FRMD6: variants seen among roughly 807,000 people sequenced by gnomAD.
FRMD6 encodes the protein FERM domain-containing protein 6.
Under a neutral mutation model 73.2 loss-of-function variants are expected in FRMD6, and 37 were observed. The observed-to-expected ratio is 0.51, with a 90% confidence interval of 0.39 to 0.66. The LOEUF (loss-of-function observed/expected upper bound fraction) is 0.66, where lower values mean the gene tolerates loss of function less well. FRMD6 is among the 30% of genes least tolerant of loss of function. FRMD6 has a pLI of 0.00. For missense variants in FRMD6, 714 were observed against 780.5 expected (o/e 0.91, Z 1.02); for synonymous variants, 273 against 282.2 (o/e 0.97, Z 0.33).
At chr14:51,462,313 G>T in the FRMD6 span, among the ~76,000 whole-genome samples, 1 of 152,144 alleles carries the variant, frequency 6.6e-6, no homozygotes. Flanking sequence ...TACCTGCCTC[G>T]GGGGGTTGTG....
chr14:51,574,716 C>A (rs1213456851), intron 2 of FRMD6, among the ~76,000 whole-genome samples: 1 of 151,844 alleles, frequency 6.6e-6, no homozygotes, highest in African/African-American at 2.4e-5. Context: ...TTAATGGGTA[C>A]AAAAATATAG....
At chr14:51,532,096 T>C (rs1057238142) in intron 1 of FRMD6, among the ~76,000 whole-genome samples, 17 of 152,174 alleles carry the variant, frequency 1.1e-4, no homozygotes, top group Non-Finnish European at 2.1e-4. Flanking sequence ...GGGCCAGGCG[T>C]GGTGGCTCAC....
chr14:51,602,413 T>C (rs374806861), intron 2 of FRMD6, among the ~76,000 whole-genome samples: 57 of 152,348 alleles, frequency 3.7e-4, no homozygotes, highest in African/African-American at 1.3e-3. Context: ...GACCAGTCAC[T>C]TGCTTTTGTA....
At chr14:51,714,132 G>A (rs1897109257) in intron 9 of FRMD6, 1 of 152,126 alleles carries the variant, frequency 6.6e-6, no homozygotes, top group Non-Finnish European at 1.5e-5. Flanking sequence ...ATGACCTTGA[G>A]CAAGTTACAT....
At chr14:51,704,037 G>A (rs1203286237) in intron 5 of FRMD6, among the ~76,000 whole-genome samples, 1 of 152,032 alleles carries the variant, frequency 6.6e-6, no homozygotes, top group Non-Finnish European at 1.5e-5. Flanking sequence ...TCAAGAGATT[G>A]TAATGAGTGC....
intron 1 of FRMD6, among the ~76,000 whole-genome samples, chr14:51,684,745 C>T (rs1392606104): frequency 3.3e-5 from 5 of 152,070 alleles, no homozygotes; most frequent in Non-Finnish European, 5.9e-5. Flanking sequence ...GAATATTTGG[C>T]CCAAAATGTC....
chr14:51,577,692 A>T (rs1214371099), intron 2 of FRMD6, among the ~76,000 whole-genome samples: 1 of 152,182 alleles, frequency 6.6e-6, no homozygotes, highest in African/African-American at 2.4e-5. Flanking sequence ...CCCTTCAAGG[A>T]TGAACAGAAG....
At chr14:51,695,828 A>G (rs1470639853) in intron 2 of FRMD6, among the ~76,000 whole-genome samples, 1 of 152,138 alleles carries the variant, frequency 6.6e-6, no homozygotes, top group Non-Finnish European at 1.5e-5. Flanking sequence ...TTAATAATGA[A>G]TGTGGAAAAG....
At chr14:51,598,346 A>G (rs1012429827) in intron 2 of FRMD6, among the ~76,000 whole-genome samples, 6 of 152,164 alleles carry the variant, frequency 3.9e-5, no homozygotes, top group Non-Finnish European at 7.3e-5. Context: ...TTGTCAGGGT[A>G]TGGGGTGAAT....
intron 1 of FRMD6, among the ~76,000 whole-genome samples, chr14:51,682,679 C>T (rs1742914680): frequency 6.6e-6 from 1 of 152,170 alleles, no homozygotes; most frequent in African/African-American, 2.4e-5. Context: ...AGATTTCTTA[C>T]CATGTGGCAT....
At chr14:51,667,457 G>A (rs750694989) in intron 1 of FRMD6, among the ~76,000 whole-genome samples, 27 of 152,112 alleles carry the variant, frequency 1.8e-4, no homozygotes, top group Non-Finnish European at 3.4e-4. Context: ...GTGTGGTTGC[G>A]TATGTTTTAT....
At chr14:51,667,642 T>C (rs935500288) in intron 1 of FRMD6, among the ~76,000 whole-genome samples, 1 of 152,204 alleles carries the variant, frequency 6.6e-6, no homozygotes, top group Non-Finnish European at 1.5e-5. Flanking sequence ...CTCACGTTAC[T>C]TACAATTATA....
intron 2 of FRMD6, among the ~76,000 whole-genome samples, chr14:51,632,070 C>G (rs902914807): frequency 1.3e-5 from 2 of 152,216 alleles, no homozygotes; most frequent in Non-Finnish European, 2.9e-5. Flanking sequence ...GTTTCCCTCA[C>G]ACTATTCTTG....
At chr14:51,514,416 T>A (rs956966770) in intron 1 of FRMD6, among the ~76,000 whole-genome samples, 1 of 152,102 alleles carries the variant, frequency 6.6e-6, no homozygotes, top group African/African-American at 2.4e-5. Flanking sequence ...AAAACCTAGA[T>A]GATAGGTTGA....
chr14:51,427,618 C>T, the FRMD6 span, among the ~76,000 whole-genome samples: 16 of 152,300 alleles, frequency 1.1e-4, 1 homozygote, highest in East Asian at 3.1e-3. Context: ...CTATAAGTTG[C>T]AGAATTAGGA....
In FRMD6 at chr14:51,729,672, AG is replaced by A. The variant is rs1898160681; in HGVS notation, c.*1646del. On this transcript the variant is annotated 3_prime_UTR_variant, in exon 14 of 14. Coordinates refer to ENST00000344768, the MANE Select transcript of FRMD6 (RefSeq NM_001267046.2). ...TGTTTTCAGGTAACGAAATAGATGT[AG>A]GGTACAGTGGAACATAAGCAGTGTT... The A allele has an allele frequency of 6.6e-6, 1 of 152,650 alleles. No individual in the cohort carries two copies. The highest frequency in any genetic ancestry group is 6.5e-5 in the Admixed American group (1 of 15,280). 9.5% of individuals were successfully genotyped at this position (152,650 alleles called of 1,614,324 possible).
At chr14:51,412,785 C>T in the FRMD6 span, among the ~76,000 whole-genome samples, 1 of 151,690 alleles carries the variant, frequency 6.6e-6, no homozygotes, top group East Asian at 2.0e-4. Flanking sequence ...CGGGGAGGCG[C>T]AGTTTGCAGT....
chr14:51,642,164 A>T (rs1891841530), intron 2 of FRMD6, among the ~76,000 whole-genome samples: 1 of 152,170 alleles, frequency 6.6e-6, no homozygotes, highest in South Asian at 2.1e-4. Flanking sequence ...GGTTTTCAGA[A>T]CCTTTCTGAG....
At chr14:51,692,489 T>TGTGC (rs1484613540) in intron 2 of FRMD6, among the ~76,000 whole-genome samples, 1 of 151,904 alleles carries the variant, frequency 6.6e-6, no homozygotes, top group Non-Finnish European at 1.5e-5. Flanking sequence ...TGTGTGTGTG[T>TGTGC]GTGTGTACAC....
Sources: gnomAD v4.1 joint callset for allele counts (sites outside exome capture counted in the v4.1 genomes callset) on GRCh38, gnomAD v4.1.1 for gene constraint, MANE v1.5 for transcripts, NCBI Gene and HGNC (gene_info 2026-07-23, HGNC 2026-07-21) for gene names.